The following RHBDD1 variants were observed in gnomAD, a reference collection of about 807,000 sequenced individuals.
RHBDD1 encodes rhomboid-related protein 4.
RHBDD1 carries 38 observed loss-of-function variants against 36.3 expected under a neutral mutation model. That is an observed-to-expected ratio of 1.05 (90% CI 0.81 to 1.37). The LOEUF is 1.37. Among genes scored for constraint, RHBDD1 ranks in the 40% most tolerant of loss-of-function variants. The pLI is 0.00. For synonymous variants in RHBDD1, 151 were observed against 136.5 expected, an observed-to-expected ratio of 1.11 and a Z score of -0.74; for missense variants, 393 against 377.6, an observed-to-expected ratio of 1.04 and a Z score of -0.34.
At chr2:226,833,349 C>T (rs1007092194), upstream of RHBDD1, among the ~76,000 whole-genome samples, 1 of 152,188 alleles carries the variant, frequency 6.6e-6, no homozygotes, top group Non-Finnish European at 1.5e-5. Context: ...TGCACGCTGT[C>T]GTTGCATGGT....
chr2:226,859,747 A>C (rs1220426304), intron 3 of RHBDD1, among the ~76,000 whole-genome samples: 3 of 152,196 alleles, frequency 2.0e-5, no homozygotes, highest in Admixed American at 6.5e-5. Context: ...AGTGGCGGGC[A>C]GGGAACTGGT....
chr2:226,928,451 A>G (rs543291965), intron 8 of RHBDD1, among the ~76,000 whole-genome samples: 3 of 152,222 alleles, frequency 2.0e-5, no homozygotes, highest in African/African-American at 7.2e-5. Flanking sequence ...ATTCTTCAAG[A>G]TAAATGATAA....
chr2:226,901,379 G>C (rs1312752254), intron 5 of RHBDD1, among the ~76,000 whole-genome samples: 1 of 152,246 alleles, frequency 6.6e-6, no homozygotes, highest in East Asian at 1.9e-4. Context: ...ACTAATTTCA[G>C]TTCCTTTGGG....
chr2:226,990,449 T>C (rs1047597089), intron 8 of RHBDD1, among the ~76,000 whole-genome samples: 69 of 152,168 alleles, frequency 4.5e-4, no homozygotes, highest in African/African-American at 1.7e-3. Flanking sequence ...AGAGATACTA[T>C]GCTATCCTGC....
chr2:226,933,584 C>T (rs1267318369), intron 8 of RHBDD1, among the ~76,000 whole-genome samples: 1 of 151,990 alleles, frequency 6.6e-6, no homozygotes, highest in Non-Finnish European at 1.5e-5. Flanking sequence ...AGGAAGTGCT[C>T]ATGTGTCATT....
At chr2:226,876,800 T>TA (rs1945275891) in intron 5 of RHBDD1, among the ~76,000 whole-genome samples, 3 of 152,106 alleles carry the variant, frequency 2.0e-5, no homozygotes, top group African/African-American at 7.3e-5. Flanking sequence ...TATAATTCAT[T>TA]AACATTCATA....
chr2:226,922,202 C>CCT (rs1949364883), intron 8 of RHBDD1, among the ~76,000 whole-genome samples: 1 of 105,042 alleles, frequency 9.5e-6, no homozygotes, highest in African/African-American at 3.8e-5. Context: ...TATCTTTTTC[C>CCT]TTTTTTTTTT....
At chr2:226,840,899 A>C (rs1458701388) in intron 3 of RHBDD1, among the ~76,000 whole-genome samples, 2 of 151,774 alleles carry the variant, frequency 1.3e-5, no homozygotes, top group African/African-American at 4.8e-5. Context: ...TTTTTTCTTA[A>C]GTAAAAAGTC....
chr2:226,966,935 G>A (rs1203302863), intron 8 of RHBDD1, among the ~76,000 whole-genome samples: 8 of 151,948 alleles, frequency 5.3e-5, no homozygotes, highest in Admixed American at 3.3e-4. Context: ...TGTGAGACCC[G>A]GGATTATGTG....
chr2:226,849,053 T>C (rs1942524942), intron 3 of RHBDD1, among the ~76,000 whole-genome samples: 1 of 152,218 alleles, frequency 6.6e-6, no homozygotes, highest in African/African-American at 2.4e-5. Flanking sequence ...TATTGAGTGA[T>C]TACTGTATGC....
chr2:226,931,951 T>C (rs2149105309), intron 8 of RHBDD1, among the ~76,000 whole-genome samples: 1 of 152,248 alleles, frequency 6.6e-6, no homozygotes, highest in East Asian at 1.9e-4. Flanking sequence ...AGTTTTTCAA[T>C]CCATGAATAT....
At chr2:226,828,216 T>G in the RHBDD1 span, among the ~76,000 whole-genome samples, 1 of 152,220 alleles carries the variant, frequency 6.6e-6, no homozygotes, top group Non-Finnish European at 1.5e-5. Flanking sequence ...GGAATCACAC[T>G]ATATGTAGAC....
upstream of RHBDD1, among the ~76,000 whole-genome samples, chr2:226,834,900 C>T (rs1210076335): frequency 4.6e-5 from 7 of 152,200 alleles, no homozygotes; most frequent in African/African-American, 1.7e-4. Context: ...CTCAGCCTCC[C>T]GAGTAGCCGG....
intron 8 of RHBDD1, among the ~76,000 whole-genome samples, chr2:226,965,862 G>A (rs896819550): frequency 1.3e-5 from 2 of 151,932 alleles, no homozygotes; most frequent in African/African-American, 2.4e-5. Context: ...CAGTGGCAGC[G>A]GGCTAGACAG....
At position 226,937,636 on chromosome 2, in the gene RHBDD1, C is replaced by A. The variant is rs933727376; in HGVS notation, c.856+23285C>A. Among the ~76,000 whole-genome samples, 4 of 152,190 alleles carry A rather than the reference C, an allele frequency of 2.6e-5. No homozygotes were observed. The South Asian group carries it at 8.3e-4, about 32-fold the overall frequency. ...AGGCACCATTGTGCATTATTCATCT[C>A]CGTGTGTCCATGCGTTCTCATCATT... On this transcript the variant is annotated intron_variant, in intron 8 of 8. Coordinates refer to ENST00000392062, the MANE Select transcript of RHBDD1 (RefSeq NM_001167608.3).
chr2:226,813,491 A>G, the RHBDD1 span, among the ~76,000 whole-genome samples: 2 of 152,274 alleles, frequency 1.3e-5, no homozygotes, highest in Non-Finnish European at 1.5e-5. Context: ...TCCACCCAGC[A>G]TTCACTTTTT....
Position 226,863,909 on chromosome 2 carries a change from T to C in RHBDD1, c.-90-695T>C, listed in dbSNP as rs576815211. ...AGTCAGATCACCACCTCAGGCTGTG[T>C]TGTGTGCCTGTGCTCTGGGTTCCCT... On this transcript the variant is annotated intron_variant, in intron 3 of 8. Coordinates refer to ENST00000392062, the MANE Select transcript of RHBDD1 (RefSeq NM_001167608.3). Among the ~76,000 whole-genome samples the C allele has an allele frequency of 2.1e-3, 316 of 152,256 alleles. 4 individuals are homozygous for C. The highest frequency in any genetic ancestry group is 7.3e-3 in the African/African-American group (303 of 41,550).
intron 8 of RHBDD1, among the ~76,000 whole-genome samples, chr2:226,961,031 TGTA>T (rs1314901283): frequency 6.6e-6 from 1 of 152,182 alleles, no homozygotes. Context: ...TTTAAATATA[TGTA>T]AAGCGTAAAA....
chr2:226,804,223 T>C, the RHBDD1 span: 1 of 152,194 alleles, frequency 6.6e-6, no homozygotes, highest in Non-Finnish European at 1.5e-5. Flanking sequence ...CAAGGTGTGA[T>C]TGAAAATGGA....
Sources: allele counts gnomAD v4.1 joint callset (sites outside exome capture counted in the v4.1 genomes callset), GRCh38; gene constraint gnomAD v4.1.1; transcripts MANE v1.5; gene names NCBI Gene and HGNC (gene_info 2026-07-23, HGNC 2026-07-21).